NFIB: variants seen among roughly 807,000 people sequenced by gnomAD.
NFIB encodes nuclear factor I B.
A neutral mutation model predicts 61.5 loss-of-function variants in NFIB; 11 were observed. That is an observed-to-expected ratio of 0.18 (90% CI 0.11 to 0.30). The LOEUF is 0.30. NFIB is among the 10% of genes least tolerant of loss of function. The pLI is 1.00. For synonymous variants in NFIB, 260 were observed against 216.5 expected, an observed-to-expected ratio of 1.20 and a Z score of -1.76; for missense variants, 471 against 608.9, an observed-to-expected ratio of 0.77 and a Z score of 2.38.
chr9:14,392,715 T>C (rs2061639321), intron 1 of NFIB, among the ~76,000 whole-genome samples: 1 of 147,482 alleles, frequency 6.8e-6, no homozygotes, highest in Non-Finnish European at 1.5e-5. Flanking sequence ...CAAGACCTTG[T>C]CTCAAAAAAA....
upstream of NFIB, among the ~76,000 whole-genome samples, chr9:14,400,413 A>G (rs1419306043): frequency 6.6e-6 from 1 of 152,162 alleles, no homozygotes; most frequent in Admixed American, 6.5e-5. Context: ...TAAAAGCTAC[A>G]TGTTTTTCCC....
At chr9:14,274,288 A>ACACACACG (rs1418595829) in intron 2 of NFIB, among the ~76,000 whole-genome samples, 5 of 151,398 alleles carry the variant, frequency 3.3e-5, no homozygotes, top group Non-Finnish European at 7.4e-5. Context: ...ACACACACAC[A>ACACACACG]CACGAAGACA....
At chr9:14,236,907 G>C (rs1473314666) in intron 2 of NFIB, among the ~76,000 whole-genome samples, 2 of 151,062 alleles carry the variant, frequency 1.3e-5, no homozygotes, top group African/African-American at 4.8e-5. Flanking sequence ...GTTCCAAGTA[G>C]GAGCATTTGT....
chr9:14,418,590 G>C, the NFIB span, among the ~76,000 whole-genome samples: 1 of 152,180 alleles, frequency 6.6e-6, no homozygotes, highest in Non-Finnish European at 1.5e-5. Context: ...CAGAGTCTGC[G>C]TGTGAGCCCT....
intron 1 of NFIB, among the ~76,000 whole-genome samples, chr9:14,352,123 C>T (rs1259943781): frequency 6.6e-6 from 1 of 152,094 alleles, no homozygotes; most frequent in African/African-American, 2.4e-5. Flanking sequence ...GCATCATTAA[C>T]CCCAATAAAA....
intron 1 of NFIB, among the ~76,000 whole-genome samples, chr9:14,332,652 AG>A (rs1288821681): frequency 6.6e-6 from 1 of 152,218 alleles, no homozygotes; most frequent in African/African-American, 2.4e-5. Context: ...CTAAGAATTG[AG>A]AACATATCAG....
chr9:14,294,101 CTG>C (rs1162985201), intron 2 of NFIB, among the ~76,000 whole-genome samples: 1 of 152,196 alleles, frequency 6.6e-6, no homozygotes, highest in African/African-American at 2.4e-5. Context: ...GGCCCTAATG[CTG>C]TGTTTGTTAG....
At chr9:14,453,078 C>A in the NFIB span, among the ~76,000 whole-genome samples, 29,684 of 152,194 alleles carry the variant, frequency 0.2, 3,675 homozygotes, top group Non-Finnish European at 0.27. Context: ...CTCTTTAGAA[C>A]TCCCAGTGAG....
chr9:14,259,730 G>A (rs972449598), intron 2 of NFIB, among the ~76,000 whole-genome samples: 2 of 151,816 alleles, frequency 1.3e-5, no homozygotes, highest in Non-Finnish European at 2.9e-5. Flanking sequence ...GTGAAATCCT[G>A]TCTCTACTAA....
chr9:14,375,263 T>C lies in NFIB; in HGVS notation c.108+23261A>G, dbSNP rs1021090528. 2.2e-4 allele frequency among the ~76,000 whole-genome samples: 34 copies of C among 152,192 alleles called. 1 individual carries two copies. On this transcript the variant is annotated intron_variant, in intron 1 of 8. Coordinates refer to the NFIB transcript ENST00000380934. ...GTCTTAGGCCATGATATCCCTCTAGTTATCATTTATTCTCTCCAATCATGA... is the reference window on the plus strand; with the variant it reads ...GTCTTAGGCCATGATATCCCTCTAGCTATCATTTATTCTCTCCAATCATGA...
At chr9:14,508,078 A>G in the NFIB span, among the ~76,000 whole-genome samples, 1 of 151,218 alleles carries the variant, frequency 6.6e-6, no homozygotes, top group Non-Finnish European at 1.5e-5. Flanking sequence ...ACAATTAGGC[A>G]TATATAATAT....
chr9:14,384,619 C>G (rs2061528137), intron 1 of NFIB, among the ~76,000 whole-genome samples: 2 of 152,102 alleles, frequency 1.3e-5, no homozygotes, highest in Admixed American at 6.5e-5. Context: ...GGTTAATATC[C>G]AAGGTCAGGT....
At chr9:14,194,275 C>G (rs886602553) in intron 2 of NFIB, among the ~76,000 whole-genome samples, 2 of 152,134 alleles carry the variant, frequency 1.3e-5, no homozygotes, top group African/African-American at 4.8e-5. Context: ...TTTCCCACCA[C>G]CCTTTACTTT....
chr9:14,356,549 A>T (rs1299629033), intron 1 of NFIB, among the ~76,000 whole-genome samples: 1 of 152,118 alleles, frequency 6.6e-6, no homozygotes, highest in East Asian at 1.9e-4. Context: ...GTGTAAAAAC[A>T]GCACCGAGAC....
chr9:14,208,748 T>C (rs981523835), intron 2 of NFIB, among the ~76,000 whole-genome samples: 4 of 152,208 alleles, frequency 2.6e-5, no homozygotes, highest in Admixed American at 6.5e-5. Context: ...TTTGAAGATA[T>C]ACAGTATTCT....
chr9:14,280,094 G>C (rs2058269980), intron 2 of NFIB, among the ~76,000 whole-genome samples: 3 of 152,148 alleles, frequency 2.0e-5, no homozygotes, highest in Non-Finnish European at 4.4e-5. Flanking sequence ...GAATTAATCT[G>C]AGTCCTGTAT....
At chr9:14,089,659 T>G (rs1035041485) in intron 10 of NFIB, among the ~76,000 whole-genome samples, 15 of 152,132 alleles carry the variant, frequency 9.9e-5, no homozygotes, top group African/African-American at 3.6e-4. Flanking sequence ...TTTCGAGGTT[T>G]TAAATTTCAC....
intron 10 of NFIB, chr9:14,093,533 TAAATA>T (rs1409661068): frequency 6.6e-6 from 1 of 152,062 alleles, no homozygotes; most frequent in African/African-American, 2.4e-5. Flanking sequence ...GCATGGGGAA[TAAATA>T]AAATAAGTAT....
At chr9:14,514,057 T>C in the NFIB span, among the ~76,000 whole-genome samples, 1 of 152,212 alleles carries the variant, frequency 6.6e-6, no homozygotes, top group Non-Finnish European at 1.5e-5. Context: ...CTTTATTACA[T>C]GGCAGCTAGA....
Sources: allele counts gnomAD v4.1 joint callset (sites outside exome capture counted in the v4.1 genomes callset), GRCh38; gene constraint gnomAD v4.1.1; transcripts MANE v1.5; gene names NCBI Gene and HGNC (gene_info 2026-07-23, HGNC 2026-07-21).